The following WDR70 variants were observed in gnomAD, a reference collection of about 807,000 sequenced individuals.
WDR70 encodes the protein WD repeat-containing protein 70.
Under a neutral mutation model 88.6 loss-of-function variants are expected in WDR70, and 53 were observed. The ratio of observed to expected loss-of-function variants is 0.60; its 90% CI spans 0.48 to 0.75. The LOEUF (loss-of-function observed/expected upper bound fraction) is 0.75, where lower values mean the gene tolerates loss of function less well. Among genes scored for constraint, WDR70 ranks in the 30% least tolerant of loss-of-function variants. The pLI, the probability that WDR70 is intolerant of heterozygous loss-of-function variation, is 0.00. For missense variants in WDR70, 610 were observed against 823.2 expected, an observed-to-expected ratio of 0.74 and a Z score of 3.17; for synonymous variants, 280 against 270.0, an observed-to-expected ratio of 1.04 and a Z score of -0.36.
chr5:37,643,349 A>G (rs1200095425), intron 10 of WDR70, among the ~76,000 whole-genome samples: 1 of 151,802 alleles, frequency 6.6e-6, no homozygotes, highest in Non-Finnish European at 1.5e-5. Flanking sequence ...CTATGTGTCT[A>G]TTTTTATGCC....
At chr5:37,640,910 C>A (rs968344545) in intron 10 of WDR70, among the ~76,000 whole-genome samples, 6 of 152,120 alleles carry the variant, frequency 3.9e-5, no homozygotes, top group African/African-American at 1.2e-4. Flanking sequence ...TATAGGTTAA[C>A]CAGATGATGG....
intron 13 of WDR70, among the ~76,000 whole-genome samples, chr5:37,717,634 C>T (rs1170608686): frequency 6.6e-6 from 1 of 152,176 alleles, no homozygotes; most frequent in Non-Finnish European, 1.5e-5. Context: ...AGGCTTCTAG[C>T]AGGCACGTGT....
intron 2 of WDR70, among the ~76,000 whole-genome samples, chr5:37,381,107 G>A (rs1404734991): frequency 6.6e-6 from 1 of 152,160 alleles, no homozygotes; most frequent in African/African-American, 2.4e-5. Flanking sequence ...TGAGATTTCT[G>A]TTTCCCTCTT....
chr5:37,566,266 T>G (rs1170848507), intron 9 of WDR70, among the ~76,000 whole-genome samples: 1 of 151,276 alleles, frequency 6.6e-6, no homozygotes, highest in Non-Finnish European at 1.5e-5. Context: ...TAAATACTTG[T>G]TAGTAGTATG....
At chr5:37,391,852 T>G in intron 3 of WDR70, 148 bp from the exon 4 acceptor site, 1 of 776,500 alleles carries the variant, frequency 1.3e-6, no homozygotes. Flanking sequence ...TGTTTTCCAG[T>G]GGCTGTGGTT....
intron 10 of WDR70, among the ~76,000 whole-genome samples, chr5:37,678,691 A>T (rs1746314862): frequency 6.6e-6 from 1 of 152,116 alleles, no homozygotes; most frequent in Non-Finnish European, 1.5e-5. Flanking sequence ...AACATTGGTG[A>T]ATCTGACAAT....
At chr5:37,519,249 C>T (rs1006033197) in intron 9 of WDR70, among the ~76,000 whole-genome samples, 7 of 152,196 alleles carry the variant, frequency 4.6e-5, no homozygotes, top group East Asian at 1.9e-4. Context: ...CGGGCAGAGG[C>T]GCTCCCCACT....
At chr5:37,668,203 A>T (rs1745920789) in intron 10 of WDR70, among the ~76,000 whole-genome samples, 1 of 152,200 alleles carries the variant, frequency 6.6e-6, no homozygotes, top group African/African-American at 2.4e-5. Context: ...GACCTACAGA[A>T]TATCATATGA....
chr5:37,670,725 C>T (rs957326109), intron 10 of WDR70, among the ~76,000 whole-genome samples: 19 of 152,208 alleles, frequency 1.2e-4, no homozygotes, highest in Non-Finnish European at 1.6e-4. Flanking sequence ...TGCTCTTCAT[C>T]ATTATACCAT....
chr5:37,730,448 TG>T (rs993852231), intron 17 of WDR70, among the ~76,000 whole-genome samples: 30 of 3,888 alleles, frequency 7.7e-3, no homozygotes, highest in African/African-American at 8.3e-3. Context: ...CATATTGATT[TG>T]CTTTTTTTTT....
At chr5:37,688,456 AAAAC>A (rs1364833271) in intron 10 of WDR70, among the ~76,000 whole-genome samples, 23 of 152,322 alleles carry the variant, frequency 1.5e-4, no homozygotes, top group Admixed American at 1.0e-3. Context: ...CAAAACTTTT[AAAAC>A]AAACAAATAA....
intron 17 of WDR70, among the ~76,000 whole-genome samples, chr5:37,740,839 G>A (rs1748451645): frequency 1.3e-5 from 2 of 152,198 alleles, no homozygotes; most frequent in South Asian, 4.1e-4. Context: ...TTGTTTCAAA[G>A]CCCTGTTTTT....
At chr5:37,564,863 A>G (rs567394608) in intron 9 of WDR70, among the ~76,000 whole-genome samples, 14 of 152,216 alleles carry the variant, frequency 9.2e-5, no homozygotes, top group African/African-American at 2.9e-4. Flanking sequence ...TCATTTGAGT[A>G]CTTCTGGATT....
intron 3 of WDR70, 39 bp from the exon 4 acceptor site, chr5:37,391,961 G>C (rs372794790): frequency 6.3e-7 from 1 of 1,578,086 alleles, no homozygotes; most frequent in South Asian, 1.2e-5. Flanking sequence ...AATTGTAACC[G>C]TTGGGATTTT....
intron 3 of WDR70, among the ~76,000 whole-genome samples, chr5:37,382,699 C>T (rs1395807227): frequency 1.3e-5 from 2 of 152,108 alleles, no homozygotes; most frequent in African/African-American, 2.4e-5. Flanking sequence ...CCACCGCACC[C>T]GGCCCAATTT....
chr5:37,586,563 C>T (rs1040479393), intron 9 of WDR70, among the ~76,000 whole-genome samples: 4 of 152,092 alleles, frequency 2.6e-5, no homozygotes, highest in African/African-American at 9.7e-5. Context: ...TCCCCTAGCC[C>T]CCCACCCACC....
chr5:37,507,799 T>C (rs972889523), intron 8 of WDR70, among the ~76,000 whole-genome samples: 2 of 152,226 alleles, frequency 1.3e-5, no homozygotes, highest in African/African-American at 4.8e-5. Flanking sequence ...AATAGGACTT[T>C]AAAATATTTT....
intron 15 of WDR70, 134 bp from the exon 16 acceptor site, chr5:37,724,800 G>T (rs1747923381): frequency 1.1e-6 from 1 of 915,710 alleles, no homozygotes; most frequent in Non-Finnish European, 1.7e-6. Flanking sequence ...GTTACAGTAA[G>T]ACTGTCTTTT....
At chr5:37,411,921 A>G (rs1282348986) in intron 5 of WDR70, among the ~76,000 whole-genome samples, 2 of 151,860 alleles carry the variant, frequency 1.3e-5, no homozygotes, top group Non-Finnish European at 2.9e-5. Context: ...AATATTAATT[A>G]TATTATAATT....
Sources: gnomAD v4.1 joint callset for allele counts (sites outside exome capture counted in the v4.1 genomes callset) on GRCh38, gnomAD v4.1.1 for gene constraint, MANE v1.5 for transcripts, NCBI Gene and HGNC (gene_info 2026-07-23, HGNC 2026-07-21) for gene names.